Variants in RUFY3 observed in about 807,000 individuals in gnomAD.
RUFY3 encodes protein RUFY3.
A neutral mutation model predicts 84.0 loss-of-function variants in RUFY3; 34 were observed. The ratio of observed to expected loss-of-function variants is 0.40; its 90% confidence interval spans 0.31 to 0.54. The LOEUF (loss-of-function observed/expected upper bound fraction) is 0.54, where lower values mean the gene tolerates loss of function less well. Ranked by LOEUF, RUFY3 falls within the 20% of genes least tolerant of loss-of-function variation. RUFY3 has a pLI of 0.39. For synonymous variants in RUFY3, 242 were observed against 252.9 expected (o/e 0.96, Z 0.41); for missense variants, 507 against 736.8 (o/e 0.69, Z 3.61).
At chr4:70,759,439 T>C (rs899716137) in intron 1 of RUFY3, among the ~76,000 whole-genome samples, 1 of 152,060 alleles carries the variant, frequency 6.6e-6, no homozygotes, top group Non-Finnish European at 1.5e-5. Flanking sequence ...GACACTTAGG[T>C]TGATTTCATA....
At chr4:70,793,214 A>G (rs1207991033) in intron 12 of RUFY3, 2 of 986,070 alleles carry the variant, frequency 2.0e-6, no homozygotes, top group Non-Finnish European at 2.4e-6. Flanking sequence ...AGACAGCCAA[A>G]CTCTGACAAA....
At chr4:70,735,621 G>T (rs149498601) in intron 1 of RUFY3, among the ~76,000 whole-genome samples, 9,357 of 152,136 alleles carry the variant, frequency 0.062, 358 homozygotes, top group East Asian at 0.097. Context: ...CAGGCGGATT[G>T]CTTGAGCTCA....
chr4:70,800,671 A>G (rs930791898), intron 15 of RUFY3, among the ~76,000 whole-genome samples: 3 of 151,848 alleles, frequency 2.0e-5, no homozygotes, highest in Non-Finnish European at 2.9e-5. Flanking sequence ...ATCACCTGAG[A>G]TTAGAAGTTC....
chr4:70,801,982 A>T (rs1732288944), intron 15 of RUFY3, among the ~76,000 whole-genome samples: 1 of 152,222 alleles, frequency 6.6e-6, no homozygotes, highest in Non-Finnish European at 1.5e-5. Flanking sequence ...GCTTCCTTAT[A>T]TCTGAATTGT....
intron 1 of RUFY3, among the ~76,000 whole-genome samples, chr4:70,754,148 G>A (rs1038545784): frequency 1.3e-5 from 2 of 152,072 alleles, no homozygotes; most frequent in African/African-American, 4.8e-5. Context: ...TGCCTGCCGG[G>A]TTCAAGTGAT....
intron 1 of RUFY3, among the ~76,000 whole-genome samples, chr4:70,738,196 C>G (rs1009866704): frequency 2.0e-5 from 3 of 151,442 alleles, no homozygotes; most frequent in Non-Finnish European, 4.4e-5. Flanking sequence ...GCCATGTTGT[C>G]TAGGCTGGTC....
chr4:70,790,553 C>G (rs1730641564), intron 12 of RUFY3, among the ~76,000 whole-genome samples: 1 of 152,224 alleles, frequency 6.6e-6, no homozygotes, highest in African/African-American at 2.4e-5. Context: ...AGAGTTTCCT[C>G]TGATACCTCT....
chr4:70,711,641 A>T (rs1166994937), intron 1 of RUFY3, among the ~76,000 whole-genome samples: 1 of 152,224 alleles, frequency 6.6e-6, no homozygotes, highest in African/African-American at 2.4e-5. Context: ...ACCCACCCAC[A>T]TACAAACCTC....
At chr4:70,741,637 G>T (rs2148648065) in intron 1 of RUFY3, 1 of 1,523,514 alleles carries the variant, frequency 6.6e-7, no homozygotes, top group Admixed American at 2.1e-5. Flanking sequence ...ACTCTTGGGA[G>T]GATTTGACAG....
intron 1 of RUFY3, among the ~76,000 whole-genome samples, chr4:70,734,966 G>A (rs1031615680): frequency 7.9e-5 from 12 of 152,104 alleles, no homozygotes; most frequent in African/African-American, 2.9e-4. Context: ...TCTTCTTTGG[G>A]TTATCAGCTT....
chr4:70,804,635 T>C (rs1314233354), intron 17 of RUFY3, among the ~76,000 whole-genome samples: 1 of 151,014 alleles, frequency 6.6e-6, no homozygotes, highest in Admixed American at 6.6e-5. Context: ...TAAACATAAA[T>C]AGCCAGGCGC....
intron 1 of RUFY3, among the ~76,000 whole-genome samples, chr4:70,748,777 A>G (rs893334317): frequency 6.6e-6 from 1 of 152,130 alleles, no homozygotes; most frequent in Non-Finnish European, 1.5e-5. Flanking sequence ...AGTTGGGAGA[A>G]CCCATTGTTT....
chr4:70,805,369 T>A (rs1299194169), intron 17 of RUFY3, among the ~76,000 whole-genome samples: 2 of 152,226 alleles, frequency 1.3e-5, no homozygotes, highest in East Asian at 1.9e-4. Context: ...ATGAGTGCCC[T>A]TGATAGCTGG....
At chr4:70,734,570 A>G in intron 1 of RUFY3, 1 of 985,426 alleles carries the variant, frequency 1.0e-6, no homozygotes, top group Non-Finnish European at 1.2e-6. Context: ...CCCTGAAAAT[A>G]ACCTGGCTAG....
chr4:70,771,885 ATAT>A (rs1321683842), intron 5 of RUFY3, among the ~76,000 whole-genome samples: 3 of 152,148 alleles, frequency 2.0e-5, no homozygotes, highest in Admixed American at 6.6e-5. Context: ...AGACAAGAAA[ATAT>A]TATAGGAAAA....
At chr4:70,740,174 A>G (rs542251759) in intron 1 of RUFY3, among the ~76,000 whole-genome samples, 194 of 152,248 alleles carry the variant, frequency 1.3e-3, no homozygotes, top group Non-Finnish European at 2.3e-3. Context: ...CATGTTACCT[A>G]TTGTAGTAAA....
At chr4:70,791,397 A>C (rs1278723571) in intron 12 of RUFY3, 3 of 1,486,062 alleles carry the variant, frequency 2.0e-6, no homozygotes, top group Non-Finnish European at 2.7e-6. Flanking sequence ...TTCTATATAA[A>C]ATGTCACCAA....
At chr4:70,779,109 A>T (rs898881242) in intron 8 of RUFY3, among the ~76,000 whole-genome samples, 1 of 152,214 alleles carries the variant, frequency 6.6e-6, no homozygotes, top group Admixed American at 6.5e-5. Flanking sequence ...ACAAATATTT[A>T]TATGTGCCAG....
chr4:70,776,754 C>T (rs1310085451), intron 7 of RUFY3, among the ~76,000 whole-genome samples: 1 of 152,162 alleles, frequency 6.6e-6, no homozygotes, highest in African/African-American at 2.4e-5. Flanking sequence ...CCAGCATGGG[C>T]AACCGAGCGA....
Sources: gnomAD v4.1 joint callset for allele counts (sites outside exome capture counted in the v4.1 genomes callset) on GRCh38, gnomAD v4.1.1 for gene constraint, MANE v1.5 for transcripts, NCBI Gene and HGNC (gene_info 2026-07-23, HGNC 2026-07-21) for gene names.